The following MAPDA variants were observed in gnomAD, a reference collection of about 807,000 sequenced individuals.
MAPDA encodes the protein N6-Methyl-AMP deaminase.
the MAPDA span, among the ~76,000 whole-genome samples, chr15:43,349,729 A>G: frequency 6.6e-6 from 1 of 152,246 alleles, no homozygotes; most frequent in Non-Finnish European, 1.5e-5. Flanking sequence ...TCAATTTGCT[A>G]TATTTACCAA....
At chr15:43,346,470 C>T in the MAPDA span, among the ~76,000 whole-genome samples, 2,363 of 152,300 alleles carry the variant, frequency 0.016, 28 homozygotes, top group Middle Eastern at 0.024. Flanking sequence ...GGCCTCTACC[C>T]ACTAGATGCC....
chr15:43,347,142 A>C, the MAPDA span: 2 of 1,468,986 alleles, frequency 1.4e-6, no homozygotes, highest in Non-Finnish European at 1.9e-6. Context: ...TGTAATAGAA[A>C]ATAATAGGGT....
the MAPDA span, among the ~76,000 whole-genome samples, chr15:43,344,019 A>G: frequency 1.3e-5 from 2 of 152,152 alleles, no homozygotes; most frequent in African/African-American, 4.8e-5. Flanking sequence ...AAAAAAAGTA[A>G]TAGCCAGTGT....
At chr15:43,340,404 A>C in the MAPDA span, 1 of 1,466,140 alleles carries the variant, frequency 6.8e-7, no homozygotes, top group African/African-American at 1.4e-5. Flanking sequence ...ATGTGCTTTG[A>C]TCACTCACAT....
chr15:43,344,963 A>T, the MAPDA span, among the ~76,000 whole-genome samples: 18 of 152,280 alleles, frequency 1.2e-4, no homozygotes, highest in African/African-American at 4.3e-4. Flanking sequence ...GAAATAATGG[A>T]TCTCACCCTC....
chr15:43,342,675 A>C, the MAPDA span, among the ~76,000 whole-genome samples: 1 of 151,732 alleles, frequency 6.6e-6, no homozygotes, highest in Non-Finnish European at 1.5e-5. Flanking sequence ...GCTTGAGCTC[A>C]GGAGACAAAG....
the MAPDA span, chr15:43,348,758 C>A: frequency 1.6e-6 from 1 of 638,212 alleles, no homozygotes; most frequent in Non-Finnish European, 2.5e-6. Context: ...AGATAAAAGG[C>A]AAAGAGCTAG....
the MAPDA span, among the ~76,000 whole-genome samples, chr15:43,340,675 G>A: frequency 1.3e-5 from 2 of 152,224 alleles, no homozygotes; most frequent in East Asian, 3.9e-4. Flanking sequence ...GTGAGCCACC[G>A]TGCCCATCCT....
At chr15:43,343,814 GAA>G in the MAPDA span, among the ~76,000 whole-genome samples, 4 of 151,060 alleles carry the variant, frequency 2.6e-5, no homozygotes, top group Admixed American at 2.6e-4. Context: ...AATGAAGAAA[GAA>G]AAAAAGCTAG....
chr15:43,349,099 C>T, the MAPDA span: 4 of 1,612,122 alleles, frequency 2.5e-6, no homozygotes, highest in South Asian at 4.4e-5. Flanking sequence ...TCCCCCAATC[C>T]CCAGGTTGCC....
the MAPDA span, chr15:43,340,425 GGGA>G: frequency 3.1e-6 from 4 of 1,306,454 alleles, no homozygotes; most frequent in Non-Finnish European, 4.4e-6. Flanking sequence ...GTTTGTGAGT[GGGA>G]ATATGAAGCA....
chr15:43,332,931 G>T, the MAPDA span, among the ~76,000 whole-genome samples: 8 of 152,144 alleles, frequency 5.3e-5, no homozygotes, highest in Non-Finnish European at 1.0e-4. Flanking sequence ...ATGGCATGCT[G>T]TTGTTGGTAT....
the MAPDA span, among the ~76,000 whole-genome samples, chr15:43,331,204 C>T: frequency 1.3e-5 from 2 of 152,206 alleles, no homozygotes; most frequent in African/African-American, 2.4e-5. Flanking sequence ...ACCACTCAGC[C>T]TCTCTTTCTC....
the MAPDA span, among the ~76,000 whole-genome samples, chr15:43,350,131 C>T: frequency 6.6e-6 from 1 of 151,984 alleles, no homozygotes; most frequent in African/African-American, 2.4e-5. Flanking sequence ...TGCAGTGGCG[C>T]GATAGCTCAC....
chr15:43,346,863 C>T, the MAPDA span, among the ~76,000 whole-genome samples: 3 of 152,104 alleles, frequency 2.0e-5, no homozygotes, highest in Admixed American at 6.5e-5. Flanking sequence ...TGAAGTGGCT[C>T]GCACATTGTA....
chr15:43,335,953 A>G, the MAPDA span: 2 of 1,135,578 alleles, frequency 1.8e-6, no homozygotes, highest in Non-Finnish European at 2.5e-6. Flanking sequence ...TGGAGCATAT[A>G]TCTTAACATA....
the MAPDA span, among the ~76,000 whole-genome samples, chr15:43,348,670 G>C: frequency 3.3e-5 from 5 of 151,940 alleles, no homozygotes; most frequent in African/African-American, 1.2e-4. Context: ...TGTGTGAAAA[G>C]GCACAAAGTA....
chr15:43,353,620 C>G, the MAPDA span: 4 of 152,156 alleles, frequency 2.6e-5, no homozygotes, highest in African/African-American at 7.2e-5. Context: ...TTGGGACTTT[C>G]AGTCCTCCCC....
chr15:43,350,581 G>C, the MAPDA span, among the ~76,000 whole-genome samples: 1 of 152,102 alleles, frequency 6.6e-6, no homozygotes, highest in Non-Finnish European at 1.5e-5. Context: ...GACCAGGAGG[G>C]ATTGCAGTAG....
Sources: gnomAD v4.1 joint callset for allele counts (sites outside exome capture counted in the v4.1 genomes callset) on GRCh38, gnomAD v4.1.1 for gene constraint, MANE v1.5 for transcripts, NCBI Gene and HGNC (gene_info 2026-07-23, HGNC 2026-07-21) for gene names.